HSD17B12: variants seen among roughly 807,000 people sequenced by gnomAD.
The protein encoded by HSD17B12 is hydroxysteroid 17-beta dehydrogenase 12.
A neutral mutation model predicts 39.3 loss-of-function variants in HSD17B12; 32 were observed. The ratio of observed to expected loss-of-function variants is 0.81; its 90% CI spans 0.61 to 1.09. The LOEUF (loss-of-function observed/expected upper bound fraction) is 1.09. Among genes scored for constraint, HSD17B12 ranks in the 50% least tolerant of loss-of-function variants. The pLI is 0.00. For synonymous variants in HSD17B12, 150 were observed against 146.7 expected, an observed-to-expected ratio of 1.02 and a Z score of -0.16; for missense variants, 342 against 382.9, an observed-to-expected ratio of 0.89 and a Z score of 0.89.
chr11:43,671,119 G>A, the HSD17B12 span, among the ~76,000 whole-genome samples: 1 of 152,130 alleles, frequency 6.6e-6, no homozygotes, highest in African/African-American at 2.4e-5. Context: ...GAAATATGAT[G>A]TAGGTAAGAT....
Position 43,854,763 on chromosome 11 carries a change from C to T in HSD17B12, c.733C>T (p.Pro245Ser), listed in dbSNP as rs138665914. ...TACAAAACTGGCTAAAATCCGGAAG[C>T]CAACTTTGGATAAGCCCTCTCCGGA... ...VATKLAKIRKPTLDKPSPETF... is the reference protein window; with the variant it reads ...VATKLAKIRKSTLDKPSPETF... The change falls in exon 10 of 11, where the codon CCA becomes TCA. Residue 245 changes from proline to serine, a missense_variant. Pro to Ser is a moderately conservative substitution (Grantham distance 74). Transcript: ENST00000278353. The T allele has an allele frequency of 1.5e-4, 240 of 1,614,150 alleles. No homozygotes were observed. Among genetic ancestry groups the T allele is most frequent in the Non-Finnish European group, 1.8e-4 (210 of 1,180,032 alleles).
intron 1 of HSD17B12, among the ~76,000 whole-genome samples, chr11:43,695,086 C>T (rs369479079): frequency 1.2e-4 from 18 of 151,806 alleles, no homozygotes; most frequent in East Asian, 5.8e-4. Context: ...TTTGGGAGGC[C>T]GAGGCAGGAG....
chr11:43,637,210 G>GT, the HSD17B12 span, among the ~76,000 whole-genome samples: 1 of 127,216 alleles, frequency 7.9e-6, no homozygotes, highest in South Asian at 2.5e-4. Context: ...GGACACTGGT[G>GT]TTTTTCCTTT....
At chr11:43,657,408 G>A in the HSD17B12 span, among the ~76,000 whole-genome samples, 2 of 152,296 alleles carry the variant, frequency 1.3e-5, no homozygotes, top group African/African-American at 4.8e-5. Flanking sequence ...TACATTTAAG[G>A]TTAGTATTGT....
the HSD17B12 span, among the ~76,000 whole-genome samples, chr11:43,571,948 C>G: frequency 6.3e-4 from 96 of 152,260 alleles, no homozygotes; most frequent in African/African-American, 2.2e-3. Context: ...AATGGCTCAG[C>G]CTATAAAGTT....
intron 6 of HSD17B12, among the ~76,000 whole-genome samples, chr11:43,822,341 T>C (rs1156336296): frequency 6.6e-6 from 1 of 152,212 alleles, no homozygotes; most frequent in East Asian, 1.9e-4. Context: ...ATTTAATATT[T>C]TTTTATTATA....
At chr11:43,572,666 G>A in the HSD17B12 span, among the ~76,000 whole-genome samples, 1 of 152,148 alleles carries the variant, frequency 6.6e-6, no homozygotes, top group African/African-American at 2.4e-5. Flanking sequence ...TAAGGGGTAG[G>A]TACCATTATC....
chr11:43,713,456 A>T (rs887437669), intron 1 of HSD17B12, among the ~76,000 whole-genome samples: 1 of 151,762 alleles, frequency 6.6e-6, no homozygotes, highest in African/African-American at 2.4e-5. Context: ...AAGGACATGA[A>T]CTCATCCTTT....
Position 43,838,382 on chromosome 11 carries a change from T to C in HSD17B12, c.602T>C (p.Ile201Thr). Residue 201 changes from isoleucine to threonine, a missense_variant, in exon 8 of 11, where the codon ATC (isoleucine) becomes ACC (threonine). Coordinates refer to ENST00000278353, the MANE Select transcript of HSD17B12 (RefSeq NM_016142.3). ...SGMLPVPLLT[I>T]YSATKTFVDF... ...ATGCTCCCTGTCCCACTCTTGACCA[T>C]CTATTCTGCAACCAAGGTAAAAAAT... The C allele has an allele frequency of 6.2e-7, 1 of 1,612,026 alleles. No individual in the cohort carries two copies. Among genetic ancestry groups the C allele is most frequent in the Non-Finnish European group, 8.5e-7 (1 of 1,178,252 alleles).
chr11:43,818,235 T>C (rs1000915090), intron 6 of HSD17B12, among the ~76,000 whole-genome samples: 4 of 152,156 alleles, frequency 2.6e-5, no homozygotes, highest in African/African-American at 7.2e-5. Context: ...TGATAAGCAT[T>C]GTACGGGGAA....
At chr11:43,735,457 C>T (rs1351230646) in intron 1 of HSD17B12, among the ~76,000 whole-genome samples, 1 of 152,172 alleles carries the variant, frequency 6.6e-6, no homozygotes, top group Non-Finnish European at 1.5e-5. Context: ...AAATTACGGT[C>T]AACCTAGTGT....
Position 43,680,820 on chromosome 11 carries a change from G to A in HSD17B12, c.-8G>A. 1.2e-6 allele frequency: 2 copies of A among 1,613,336 alleles called. No individual in the cohort carries two copies. The highest frequency in any genetic ancestry group is 1.7e-6 in the Non-Finnish European group (2 of 1,179,342). On this transcript the variant is annotated 5_prime_UTR_variant, in exon 1 of 11. Transcript: ENST00000278353. ...ATTCACGAAGGTAGTGAGGCCTAGT[G>A]GAAAGCCATGGAGAGCGCTCTCCCC...
chr11:43,822,948 A>G (rs934113689), intron 6 of HSD17B12, among the ~76,000 whole-genome samples: 1 of 152,198 alleles, frequency 6.6e-6, no homozygotes, highest in African/African-American at 2.4e-5. Context: ...AGTCCCACCA[A>G]CCGTGTGGAA....
At chr11:43,597,832 A>G in the HSD17B12 span, among the ~76,000 whole-genome samples, 1 of 152,020 alleles carries the variant, frequency 6.6e-6, no homozygotes, top group Non-Finnish European at 1.5e-5. Flanking sequence ...ACGGGGTTTC[A>G]CTATGTTGGC....
intron 1 of HSD17B12, among the ~76,000 whole-genome samples, chr11:43,725,106 A>G (rs1355248323): frequency 1.3e-5 from 2 of 152,156 alleles, no homozygotes; most frequent in African/African-American, 4.8e-5. Context: ...AGAGGAAAAT[A>G]CTTCTATGTA....
At chr11:43,698,201 G>T (rs995915415) in intron 1 of HSD17B12, among the ~76,000 whole-genome samples, 5 of 152,184 alleles carry the variant, frequency 3.3e-5, no homozygotes, top group African/African-American at 1.2e-4. Flanking sequence ...ACTGTGAGGG[G>T]TCTGAGCTCT....
chr11:43,807,426 G>A (rs1394105559), intron 4 of HSD17B12, among the ~76,000 whole-genome samples: 1 of 152,130 alleles, frequency 6.6e-6, no homozygotes, highest in Non-Finnish European at 1.5e-5. Flanking sequence ...TGTGTCAGTA[G>A]AACTGACAAA....
intron 3 of HSD17B12, among the ~76,000 whole-genome samples, chr11:43,794,058 T>A (rs1285509556): frequency 2.0e-5 from 3 of 152,200 alleles, no homozygotes; most frequent in African/African-American, 7.2e-5. Context: ...CCAGTTTTTT[T>A]CTTCTTGGTG....
At chr11:43,690,402 A>ATTTTTT (rs1454701982) in intron 1 of HSD17B12, among the ~76,000 whole-genome samples, 2 of 26,226 alleles carry the variant, frequency 7.6e-5, no homozygotes, top group Non-Finnish European at 1.2e-4. Flanking sequence ...ATATATATAT[A>ATTTTTT]TATTTTTTTT....
Sources: gnomAD v4.1 joint callset for allele counts (sites outside exome capture counted in the v4.1 genomes callset) on GRCh38, gnomAD v4.1.1 for gene constraint, MANE v1.5 for transcripts, NCBI Gene and HGNC (gene_info 2026-07-23, HGNC 2026-07-21) for gene names.